The following TNC variants were observed in gnomAD, a reference collection of about 807,000 sequenced individuals.
The protein encoded by TNC is tenascin C, also known as tenascin.
In TNC, 109 loss-of-function variants were observed where a neutral mutation model predicts 202.4. That is an observed-to-expected ratio of 0.54 (90% CI 0.46 to 0.63). TNC has a LOEUF of 0.63. Among genes scored for constraint, TNC ranks in the 30% least tolerant of loss-of-function variants. TNC has a pLI of 0.00. For missense variants in TNC, 2,756 were observed against 2,833.3 expected, an observed-to-expected ratio of 0.97 and a Z score of 0.62; for synonymous variants, 1,007 against 1,089.7, an observed-to-expected ratio of 0.92 and a Z score of 1.50.
intron 1 of TNC, among the ~76,000 whole-genome samples, chr9:115,096,646 T>A (rs1328017073): frequency 6.6e-6 from 1 of 152,194 alleles, no homozygotes; most frequent in Non-Finnish European, 1.5e-5. Context: ...AAAAAATGGC[T>A]TCTTTTTAGC....
chr9:115,086,930 C>G lies in TNC; in HGVS notation c.801G>C (p.Leu267Phe), dbSNP rs778822808. Residue 267 changes from leucine (L) to phenylalanine (F), a missense_variant, in exon 3 of 28, where the codon TTG becomes TTC. Leu to Phe is a conservative substitution (Grantham distance 22, BLOSUM62 0). Around this residue, in one of 2 missense-constraint regions of TNC, gnomAD observed 2,559 missense variants for 2,546.0 expected, o/e 1.01. Coordinates refer to ENST00000350763, the MANE Select transcript of TNC (RefSeq NM_002160.4). Reference protein sequence around the residue: ...SEEHGTCVDGLCVCHDGFAGD... With the variant: ...SEEHGTCVDGFCVCHDGFAGD... ...CTGCAAAGCCATCGTGGCACACACA[C>G]AAGCCATCTACACATGTGCCGTGCT... 1 of 1,613,834 alleles carries G rather than the reference C, an allele frequency of 6.2e-7. No individual in the cohort carries two copies. Among genetic ancestry groups the G allele is most frequent in the Middle Eastern group, 1.6e-4 (1 of 6,062 alleles).
At chr9:115,083,235 G>T (rs561183602) in intron 4 of TNC, among the ~76,000 whole-genome samples, 1 of 152,146 alleles carries the variant, frequency 6.6e-6, no homozygotes, top group Non-Finnish European at 1.5e-5. Flanking sequence ...AGACTGCTGG[G>T]CCTGGTTCGT....
intron 1 of TNC, among the ~76,000 whole-genome samples, chr9:115,108,785 GC>G (rs1836815740): frequency 6.6e-6 from 1 of 152,112 alleles, no homozygotes; most frequent in Non-Finnish European, 1.5e-5. Context: ...TAGAATTTGT[GC>G]CCTTATTAAA....
intron 1 of TNC, among the ~76,000 whole-genome samples, chr9:115,098,061 A>C (rs1337999771): frequency 6.6e-6 from 1 of 152,182 alleles, no homozygotes; most frequent in Non-Finnish European, 1.5e-5. Flanking sequence ...AGCCCGCTAC[A>C]AAAAATAAGA....
chr9:115,076,268 G>A lies in TNC; in HGVS notation c.2860+122C>T, dbSNP rs544456482. 2.2e-5 allele frequency: 31 copies of A among 1,411,648 alleles called. 1 individual carries two copies. The African/African-American group carries it at 2.4e-4, about 11-fold the overall frequency. The allele number at this position is 1,411,648 out of a possible 1,614,324, so 87.4% of individuals were successfully genotyped here. A position where few individuals can be genotyped will look rare whatever the true frequency, so the allele number is the denominator to read the frequency against. ...AGAACTCACTGCAATCCAATAAGCA[G>A]TATTTCAGGAAATTGGACTTATTTC... On this transcript the variant is annotated intron_variant, in intron 8 of 27. Coordinates refer to ENST00000350763, the MANE Select transcript of TNC (RefSeq NM_002160.4).
chr9:115,078,122 C>A lies in TNC; in HGVS notation c.2495G>T (p.Gly832Val). The A allele has an allele frequency of 1.2e-6, 2 of 1,614,194 alleles. No homozygotes were observed. The highest frequency in any genetic ancestry group is 1.7e-6 in the Non-Finnish European group (2 of 1,180,022). The change falls in exon 7 of 28, where the codon GGC becomes GTC. Residue 832 changes from glycine to valine, a missense_variant. Around this residue, in one of 2 missense-constraint regions of TNC, gnomAD observed 2,559 missense variants for 2,546.0 expected, o/e 1.01. Coordinates refer to ENST00000350763, the MANE Select transcript of TNC (RefSeq NM_002160.4). ...TWFKPLAEID[G>V]IELTYGIKDV... ...TTTGATGCCGTAGGTCAGCTCAATGCCATCGATCTCAGCCAGGGGCTTGAA... is the reference window on the plus strand; with the variant it reads ...TTTGATGCCGTAGGTCAGCTCAATGACATCGATCTCAGCCAGGGGCTTGAA...
chr9:115,086,099 A>T lies in TNC; in HGVS notation c.1632T>A (p.Asn544Lys). The stretch of plus-strand genomic sequence containing the variant: ...ATCCTTCATGGCACACGCACTGCCC[A>T]TTCACACAGCGACCCTGGCCATGGC... ...NDCHGQGRCV[N>K]GQCVCHEGFM... is the part of the protein sequence containing the mutation. The change falls in exon 3 of 28, where the codon AAT becomes AAA. Residue 544 changes from asparagine (N) to lysine (K), a missense_variant. Transcript: ENST00000350763. 1 of 1,613,420 alleles carries T rather than the reference A, an allele frequency of 6.2e-7. No homozygotes were observed. Among genetic ancestry groups the T allele is most frequent in the Non-Finnish European group, 8.5e-7 (1 of 1,179,502 alleles).
chr9:115,026,135 G>A lies in TNC; in HGVS notation c.6331+399C>T, dbSNP rs148904319. Among the ~76,000 whole-genome samples the A allele has an allele frequency of 4.7e-3, 722 of 152,310 alleles. 6 individuals are homozygous for A. The highest frequency in any genetic ancestry group is 0.014 in the African/African-American group (576 of 41,570). On this transcript the variant is annotated intron_variant, in intron 26 of 27. Coordinates refer to ENST00000350763, the MANE Select transcript of TNC (RefSeq NM_002160.4). ...CCCAGACAACCTGTGTCAGCATCTG[G>A]AGATTCACAAGATCGCCAGTGGGTC...
At chr9:115,107,566 A>C (rs1366708476) in intron 1 of TNC, among the ~76,000 whole-genome samples, 1 of 152,156 alleles carries the variant, frequency 6.6e-6, no homozygotes, top group Non-Finnish European at 1.5e-5. Flanking sequence ...TGTCATGACA[A>C]CCTGGTGAGT....
chr9:115,034,826 G>A (rs1478984857), intron 22 of TNC, among the ~76,000 whole-genome samples: 5 of 152,126 alleles, frequency 3.3e-5, no homozygotes, highest in Admixed American at 6.5e-5. Context: ...ATAAGAACAC[G>A]GTGAAACATA....
intron 6 of TNC, among the ~76,000 whole-genome samples, chr9:115,078,859 T>C (rs1187800890): frequency 6.6e-6 from 1 of 152,212 alleles, no homozygotes; most frequent in Non-Finnish European, 1.5e-5. Flanking sequence ...CATTATGCTG[T>C]TGGGCACCGC....
At chr9:115,065,282 G>C (rs1832863034) in intron 10 of TNC, among the ~76,000 whole-genome samples, 1 of 152,124 alleles carries the variant, frequency 6.6e-6, no homozygotes, top group Non-Finnish European at 1.5e-5. Context: ...TGTAATCCCA[G>C]CTACTCAGGA....
At chr9:115,065,256 C>T (rs940495212) in intron 10 of TNC, among the ~76,000 whole-genome samples, 2 of 151,932 alleles carry the variant, frequency 1.3e-5, no homozygotes, top group African/African-American at 2.4e-5. Context: ...ATTAGCCAGG[C>T]GTGTTGGTGG....
At chr9:115,075,985 C>T in intron 9 of TNC, 47 bp downstream of exon 9, 1 of 1,543,938 alleles carries the variant, frequency 6.5e-7, no homozygotes. Context: ...TCTGTCTCAT[C>T]TGCCCAGCAC....
chr9:115,110,635 T>A (rs1264732234), intron 1 of TNC, among the ~76,000 whole-genome samples: 2 of 152,222 alleles, frequency 1.3e-5, no homozygotes, highest in African/African-American at 4.8e-5. Flanking sequence ...ATTCATTATA[T>A]CTGCTGAGAG....
Position 115,078,185 on chromosome 9 carries a change from A to G in TNC, c.2432T>C (p.Val811Ala), listed in dbSNP as rs1380488582. 3.1e-6 allele frequency: 5 copies of G among 1,609,298 alleles called. No individual in the cohort carries two copies. The highest frequency in any genetic ancestry group is 4.3e-6 in the Non-Finnish European group (5 of 1,176,226). Residue 811 changes from valine to alanine, a missense_variant, in exon 7 of 28, where the codon GTG (valine) becomes GCG (alanine). Coordinates refer to ENST00000350763, the MANE Select transcript of TNC (RefSeq NM_002160.4). ...TRLDAPSQIEVKDVTDTTALI... is the reference protein window; with the variant it reads ...TRLDAPSQIEAKDVTDTTALI... ...GGCAGTGGTGTCTGTGACATCTTTC[A>G]CCTCGATCTGGCTGGGGGCATCCAA...
chr9:115,113,426 T>A (rs1837227900), intron 1 of TNC, among the ~76,000 whole-genome samples: 1 of 152,236 alleles, frequency 6.6e-6, no homozygotes, highest in Non-Finnish European at 1.5e-5. Context: ...GTTGACTAAA[T>A]GGCATGATGC....
chr9:115,090,711 C>A lies in TNC; in HGVS notation c.308G>T (p.Arg103Leu), dbSNP rs150265065. ...ACAGGCCCGGCGGGGGATGTTGATG[C>A]GATGTGTGAAGACAATCTGGTTTTC... Reference protein sequence around the residue: ...DGENQIVFTHRINIPRRACGC... With the variant: ...DGENQIVFTHLINIPRRACGC... Residue 103 changes from arginine (R) to leucine (L), a missense_variant, in exon 2 of 28, where the codon CGC becomes CTC. Transcript: ENST00000350763. 4 of 1,614,006 alleles carry A rather than the reference C, an allele frequency of 2.5e-6. No homozygotes were observed. The East Asian group carries it at 6.7e-5, about 27-fold the overall frequency.
chr9:115,026,182 G>A (rs1361003362), intron 26 of TNC, among the ~76,000 whole-genome samples: 2 of 152,156 alleles, frequency 1.3e-5, no homozygotes, highest in Non-Finnish European at 2.9e-5. Context: ...AGTAAATTGA[G>A]AAGTGCTGGA....
Sources: gnomAD v4.1 joint callset for allele counts (sites outside exome capture counted in the v4.1 genomes callset) on GRCh38, gnomAD v4.1.1 for gene constraint, gnomAD v4.1.1 regional missense constraint, MANE v1.5 for transcripts, NCBI Gene and HGNC (gene_info 2026-07-23, HGNC 2026-07-21) for gene names.